The following ZDHHC21 variants were observed in gnomAD, a reference collection of about 807,000 sequenced individuals.
The protein encoded by ZDHHC21 is zDHHC palmitoyltransferase 21.
A neutral mutation model predicts 34.6 loss-of-function variants in ZDHHC21; 15 were observed. The observed-to-expected ratio is 0.43, with a 90% CI of 0.29 to 0.67. The LOEUF is 0.67. Among genes scored for constraint, ZDHHC21 ranks in the 30% least tolerant of loss-of-function variants. The pLI, the probability that ZDHHC21 is intolerant of heterozygous loss-of-function variation, is 0.14. For missense variants in ZDHHC21, 344 were observed against 327.7 expected (o/e 1.05, Z -0.38); for synonymous variants, 142 against 101.8 (o/e 1.40, Z -2.38).
At chr9:14,599,290 C>T in the ZDHHC21 span, among the ~76,000 whole-genome samples, 1 of 152,234 alleles carries the variant, frequency 6.6e-6, no homozygotes, top group East Asian at 1.9e-4. Flanking sequence ...GTGCAGCCCA[C>T]AGAGGATGAG....
chr9:14,637,949 G>A (rs1444122476), intron 8 of ZDHHC21, among the ~76,000 whole-genome samples: 1 of 151,894 alleles, frequency 6.6e-6, no homozygotes, highest in African/African-American at 2.4e-5. Flanking sequence ...TGACCACACT[G>A]CCCAAAGCAA....
intron 8 of ZDHHC21, chr9:14,622,776 C>G (rs1825528876): frequency 1.0e-6 from 1 of 972,676 alleles, no homozygotes; most frequent in Non-Finnish European, 1.2e-6. Context: ...GCCTCTGGAC[C>G]TGTTTAACCC....
At chr9:14,627,833 C>T (rs577767989) in intron 8 of ZDHHC21, among the ~76,000 whole-genome samples, 11 of 152,200 alleles carry the variant, frequency 7.2e-5, no homozygotes, top group Non-Finnish European at 1.6e-4. Context: ...TCAGAATGGA[C>T]ATTATTGTTG....
At chr9:14,688,009 T>C (rs1935720417) in intron 2 of ZDHHC21, among the ~76,000 whole-genome samples, 1 of 151,000 alleles carries the variant, frequency 6.6e-6, no homozygotes. Context: ...TGAAAATTAG[T>C]CAAGTGTGGC....
the ZDHHC21 span, among the ~76,000 whole-genome samples, chr9:14,604,205 C>T: frequency 2.0e-5 from 3 of 152,238 alleles, no homozygotes; most frequent in South Asian, 4.1e-4. Flanking sequence ...AAAGCTTTTA[C>T]AGTTGAAGAT....
In ZDHHC21 at chr9:14,616,774, C is replaced by A. The variant is rs1318167673; in HGVS notation, c.*2192G>T. ...TACTGATAGATAGCATTTCTGCATT[C>A]AAATAAAATAAGTGTATGCTTTTCT... On this transcript the variant is annotated 3_prime_UTR_variant, in exon 10 of 10. Transcript: ENST00000380916. 1 of 151,734 alleles carries A rather than the reference C, an allele frequency of 6.6e-6. No individual in the cohort carries two copies. The highest frequency in any genetic ancestry group is 2.4e-5 in the African/African-American group (1 of 41,368). 9.4% of individuals were successfully genotyped at this position (151,734 alleles called of 1,614,324 possible). A position where few individuals can be genotyped will look rare whatever the true frequency, so the allele number is the denominator to read the frequency against.
chr9:14,601,470 G>C, the ZDHHC21 span, among the ~76,000 whole-genome samples: 1 of 152,130 alleles, frequency 6.6e-6, no homozygotes, highest in African/African-American at 2.4e-5. Context: ...CAGTTAGAAT[G>C]ACAACCATTA....
At chr9:14,662,173 T>C (rs10961640) in intron 6 of ZDHHC21, 42 bp downstream of exon 6, 265,110 of 1,394,954 alleles carry the variant, frequency 0.19, 29,028 homozygotes, top group South Asian at 0.36. Flanking sequence ...TACATTTTAT[T>C]ACCCACCCCT....
intron 5 of ZDHHC21, among the ~76,000 whole-genome samples, chr9:14,668,126 T>C (rs913269571): frequency 2.2e-5 from 2 of 90,932 alleles, no homozygotes; most frequent in African/African-American, 8.6e-5. Context: ...CAAAATCTCC[T>C]TAAGCTGATA....
intron 2 of ZDHHC21, among the ~76,000 whole-genome samples, chr9:14,688,487 G>C (rs369672761): frequency 6.6e-6 from 1 of 150,756 alleles, no homozygotes; most frequent in Non-Finnish European, 1.5e-5. Context: ...GTTGGGAGGT[G>C]AGTAGGGGTA....
At chr9:14,658,639 T>C (rs947751268) in intron 7 of ZDHHC21, 110 bp downstream of exon 7, 1 of 855,836 alleles carries the variant, frequency 1.2e-6, no homozygotes, top group African/African-American at 1.7e-5. Flanking sequence ...GCCCGGCTAA[T>C]TTTTTGTATT....
chr9:14,661,539 G>A (rs770741247), intron 6 of ZDHHC21, among the ~76,000 whole-genome samples: 1 of 152,114 alleles, frequency 6.6e-6, no homozygotes, highest in African/African-American at 2.4e-5. Context: ...ACAATATCTT[G>A]TTCACAGATT....
At chr9:14,651,938 G>A (rs1274450806) in intron 7 of ZDHHC21, among the ~76,000 whole-genome samples, 1 of 151,846 alleles carries the variant, frequency 6.6e-6, no homozygotes, top group African/African-American at 2.4e-5. Flanking sequence ...TTAGAACCTA[G>A]ACAATGATTT....
the ZDHHC21 span, among the ~76,000 whole-genome samples, chr9:14,603,963 CAT>C: frequency 6.6e-6 from 1 of 152,144 alleles, no homozygotes; most frequent in African/African-American, 2.4e-5. Flanking sequence ...TTATTAGAGT[CAT>C]GTTTTTATTC....
intron 8 of ZDHHC21, among the ~76,000 whole-genome samples, chr9:14,630,447 T>C (rs1280290464): frequency 6.6e-6 from 1 of 152,234 alleles, no homozygotes; most frequent in Non-Finnish European, 1.5e-5. Flanking sequence ...TCCACTGAAG[T>C]CTTGAACCCT....
downstream of ZDHHC21, chr9:14,610,921 T>C (rs1757042502): frequency 6.6e-6 from 1 of 152,058 alleles, no homozygotes; most frequent in Admixed American, 6.6e-5. Context: ...TTTGTGATTA[T>C]GGCAGAACAA....
At chr9:14,637,513 AAATTG>A (rs1828523899) in intron 8 of ZDHHC21, among the ~76,000 whole-genome samples, 1 of 152,040 alleles carries the variant, frequency 6.6e-6, no homozygotes, top group Non-Finnish European at 1.5e-5. Context: ...TTATTTCAAA[AAATTG>A]AAAAGGAAGG....
chr9:14,662,590 T>C (rs1482648783), intron 5 of ZDHHC21, among the ~76,000 whole-genome samples: 1 of 152,204 alleles, frequency 6.6e-6, no homozygotes, highest in Non-Finnish European at 1.5e-5. Context: ...AAACAATGTA[T>C]TTGGATTCTG....
rs750236366 is a variant in ZDHHC21, at chr9:14,674,277, A to G, written c.64T>C (p.Phe22Leu). The G allele has an allele frequency of 6.3e-7, 1 of 1,598,608 alleles. No individual in the cohort carries two copies. Among genetic ancestry groups the G allele is most frequent in the Non-Finnish European group, 8.5e-7 (1 of 1,174,148 alleles). ...HGWCCMGLIV[F>L]VWLYNIVLIP... The stretch of plus-strand genomic sequence containing the variant: ...AAAACAATATTGTATAACCAAACAA[A>G]GACAATCAAACCCATGCAGCACCAA... The change falls in exon 4 of 10, where the codon TTT (phenylalanine) becomes CTT (leucine). Residue 22 changes from phenylalanine (F) to leucine (L), a missense_variant. By Grantham distance (22) the Phe-to-Leu change is conservative (BLOSUM62 0). Coordinates refer to ENST00000380916, the MANE Select transcript of ZDHHC21 (RefSeq NM_178566.6).
Sources: gnomAD v4.1 joint callset for allele counts (sites outside exome capture counted in the v4.1 genomes callset) on GRCh38, gnomAD v4.1.1 for gene constraint, MANE v1.5 for transcripts, NCBI Gene and HGNC (gene_info 2026-07-23, HGNC 2026-07-21) for gene names.